Variants in ADAMTS19 observed in about 807,000 individuals in gnomAD.
ADAMTS19 encodes the protein ADAM metallopeptidase with thrombospondin type 1 motif 19, also known as A disintegrin and metalloproteinase with thrombospondin motifs 19.
Under a neutral mutation model 153.3 loss-of-function variants are expected in ADAMTS19, and 93 were observed. The ratio of observed to expected loss-of-function variants is 0.61; its 90% confidence interval spans 0.51 to 0.72. ADAMTS19 has a LOEUF of 0.72. ADAMTS19 is among the 30% of genes least tolerant of loss of function. The pLI, the probability that ADAMTS19 is intolerant of heterozygous loss-of-function variation, is 0.00. For synonymous variants in ADAMTS19, 600 were observed against 556.6 expected (o/e 1.08, Z -1.10); for missense variants, 1,482 against 1,552.1 (o/e 0.95, Z 0.76).
intron 6 of ADAMTS19, among the ~76,000 whole-genome samples, chr5:129,536,672 A>T (rs925376255): frequency 6.6e-6 from 1 of 152,222 alleles, no homozygotes; most frequent in African/African-American, 2.4e-5. Context: ...CAAATGTCCA[A>T]CAATGAGAGA....
chr5:129,467,983 TTGAG>T (rs1378143627), intron 2 of ADAMTS19, among the ~76,000 whole-genome samples: 1 of 152,250 alleles, frequency 6.6e-6, no homozygotes, highest in Non-Finnish European at 1.5e-5. Context: ...ATTACCACAA[TTGAG>T]TGTGTAAAGA....
chr5:129,540,669 A>AC (rs1462170703), intron 6 of ADAMTS19, among the ~76,000 whole-genome samples: 1 of 152,100 alleles, frequency 6.6e-6, no homozygotes, highest in Non-Finnish European at 1.5e-5. Context: ...AATACAAATT[A>AC]CAGAATAATT....
intron 6 of ADAMTS19, among the ~76,000 whole-genome samples, chr5:129,539,378 A>G (rs910783060): frequency 2.0e-5 from 3 of 152,206 alleles, no homozygotes; most frequent in African/African-American, 7.2e-5. Flanking sequence ...AATGCCAGCA[A>G]TGTCTAGAAG....
At chr5:129,687,352 A>T (rs894699994) in intron 18 of ADAMTS19, among the ~76,000 whole-genome samples, 5 of 152,090 alleles carry the variant, frequency 3.3e-5, no homozygotes, top group African/African-American at 9.7e-5. Flanking sequence ...TTGCCCAGTA[A>T]ATGTTTTTAT....
rs1757605601 is a variant in ADAMTS19, at chr5:129,735,061, C to A, written c.3442C>A (p.Pro1148Thr). 2 of 1,606,396 alleles carry A rather than the reference C, an allele frequency of 1.2e-6. No homozygotes were observed. Among genetic ancestry groups the A allele is most frequent in the African/African-American group, 2.7e-5 (2 of 74,292 alleles). Residue 1148 changes from proline (P) to threonine (T), a missense_variant, in exon 22 of 23, where the codon CCC becomes ACC. By Grantham distance (38) the Pro-to-Thr change is conservative. Coordinates refer to ENST00000274487, the MANE Select transcript of ADAMTS19 (RefSeq NM_133638.6). ...PAAYRPCHLQPCNEKINVNTI... is the reference protein window; with the variant it reads ...PAAYRPCHLQTCNEKINVNTI... ...AGCATACAGGCCATGCCATCTTCAA[C>A]CCTGCAATGAGAAAATTAATGTAAA...
In ADAMTS19 at chr5:129,461,554, C is replaced by T; in HGVS notation, c.544C>T (p.Leu182=). ...LLRIPAFSRD[L]YLLLRRDGRF... ...GCGGATCCCGGCCTTCTCTCGGGAC[C>T]TGTACCTGCTGCTCCGGAGAGACGG... The change falls in exon 2 of 23, where the codon CTG becomes TTG. Residue 182 remains leucine, a synonymous_variant. Transcript: ENST00000274487. This position sits in a 1 kb window ranked among gnomAD's most constrained non-coding sequence, Gnocchi z 4.6. The T allele has an allele frequency of 6.5e-7, 1 of 1,545,458 alleles. No homozygotes were observed. The highest frequency in any genetic ancestry group is 8.7e-7 in the Non-Finnish European group (1 of 1,152,238).
chr5:129,684,073 G>A (rs376601647), intron 17 of ADAMTS19, 47 bp from the exon 18 acceptor site: 815 of 1,544,500 alleles, frequency 5.3e-4, no homozygotes, highest in Non-Finnish European at 6.6e-4. Flanking sequence ...TACATTGCAC[G>A]TGCTCTAGTT....
chr5:129,547,113 T>G (rs1370946364), intron 6 of ADAMTS19, among the ~76,000 whole-genome samples: 2 of 150,754 alleles, frequency 1.3e-5, no homozygotes, highest in Non-Finnish European at 2.9e-5. Flanking sequence ...TGTGATTGTA[T>G]TAAGGATCTT....
intron 8 of ADAMTS19, among the ~76,000 whole-genome samples, chr5:129,603,357 G>T (rs569432729): frequency 5.4e-4 from 82 of 152,234 alleles, no homozygotes; most frequent in Non-Finnish European, 1.0e-3. Context: ...ATAATCCTAT[G>T]ATACCATTCA....
chr5:129,639,639 C>A (rs927149565), intron 10 of ADAMTS19, among the ~76,000 whole-genome samples: 4 of 152,144 alleles, frequency 2.6e-5, no homozygotes, highest in African/African-American at 9.7e-5. Flanking sequence ...AACAAGCAAG[C>A]ATTATTCCAA....
At chr5:129,634,628 A>T (rs1752451609) in intron 10 of ADAMTS19, among the ~76,000 whole-genome samples, 3 of 151,886 alleles carry the variant, frequency 2.0e-5, no homozygotes, top group Non-Finnish European at 2.9e-5. Flanking sequence ...CAAGGTTGCA[A>T]ACCTACAACT....
intron 7 of ADAMTS19, among the ~76,000 whole-genome samples, chr5:129,583,764 A>G (rs1356208507): frequency 2.0e-5 from 3 of 151,660 alleles, no homozygotes; most frequent in African/African-American, 4.8e-5. Flanking sequence ...GCTCCATCGC[A>G]TCATTTCTGT....
chr5:129,669,699 A>C (rs1391621427), intron 16 of ADAMTS19, among the ~76,000 whole-genome samples: 1 of 151,822 alleles, frequency 6.6e-6, no homozygotes, highest in Non-Finnish European at 1.5e-5. Flanking sequence ...TTTTTAATAT[A>C]AGAGTTTATA....
intron 3 of ADAMTS19, among the ~76,000 whole-genome samples, chr5:129,524,406 C>T (rs1240178575): frequency 2.6e-5 from 4 of 152,072 alleles, no homozygotes; most frequent in African/African-American, 9.7e-5. Flanking sequence ...GCAAAGACTT[C>T]ATGACTAAAA....
chr5:129,534,168 T>C (rs957333838), intron 6 of ADAMTS19, among the ~76,000 whole-genome samples: 2 of 152,118 alleles, frequency 1.3e-5, no homozygotes, highest in Non-Finnish European at 2.9e-5. Flanking sequence ...ACCTGTCTCA[T>C]TGATCTGTCT....
chr5:129,524,033 G>T (rs1177977963), intron 3 of ADAMTS19, among the ~76,000 whole-genome samples: 1 of 151,990 alleles, frequency 6.6e-6, no homozygotes, highest in Non-Finnish European at 1.5e-5. Flanking sequence ...AAAAAAGCTG[G>T]GGGCATCATG....
chr5:129,465,534 C>A (rs911873524), intron 2 of ADAMTS19, among the ~76,000 whole-genome samples: 2 of 152,064 alleles, frequency 1.3e-5, no homozygotes. Flanking sequence ...GATACAGAAT[C>A]TGGAGCCTTT....
intron 6 of ADAMTS19, among the ~76,000 whole-genome samples, chr5:129,532,620 T>TA (rs1280297573): frequency 6.6e-6 from 1 of 152,164 alleles, no homozygotes; most frequent in African/African-American, 2.4e-5. Context: ...GTTATTCACA[T>TA]AAAAAATTGC....
At chr5:129,711,761 G>T (rs32816) in intron 21 of ADAMTS19, among the ~76,000 whole-genome samples, 18,123 of 152,076 alleles carry the variant, frequency 0.12, 1,277 homozygotes, top group South Asian at 0.19. Flanking sequence ...TGGTCTCTAT[G>T]TATGAAAAAT....
Sources: allele counts gnomAD v4.1 joint callset (sites outside exome capture counted in the v4.1 genomes callset), GRCh38; gene constraint gnomAD v4.1.1; non-coding constraint Gnocchi (gnomAD v3.1); transcripts MANE v1.5; gene names NCBI Gene and HGNC (gene_info 2026-07-23, HGNC 2026-07-21).